The following ERBB4 variants were observed in gnomAD, a reference collection of about 807,000 sequenced individuals.
The protein encoded by ERBB4 is receptor tyrosine-protein kinase erbB-4.
ERBB4 carries 42 observed loss-of-function variants against 158.0 expected under a neutral mutation model. The observed-to-expected ratio is 0.27, with a 90% confidence interval of 0.21 to 0.34. ERBB4 has a LOEUF of 0.34. Ranked by LOEUF, ERBB4 falls within the 10% of genes least tolerant of loss-of-function variation. The probability of loss-of-function intolerance (pLI) is 1.00; values close to 1 mark genes in which losing one functional copy is unlikely to be tolerated. For synonymous variants in ERBB4, 583 were observed against 558.7 expected, an observed-to-expected ratio of 1.04 and a Z score of -0.61; for missense variants, 1,333 against 1,624.1, an observed-to-expected ratio of 0.82 and a Z score of 3.08.
intron 1 of ERBB4, among the ~76,000 whole-genome samples, chr2:212,126,054 G>A (rs1313981291): frequency 6.6e-6 from 1 of 152,130 alleles, no homozygotes; most frequent in African/African-American, 2.4e-5. Flanking sequence ...ATCAACTAGA[G>A]TATCACTGTA....
chr2:211,391,638 G>T (rs1465438697), intron 25 of ERBB4, among the ~76,000 whole-genome samples: 4 of 152,152 alleles, frequency 2.6e-5, no homozygotes, highest in African/African-American at 9.7e-5. Flanking sequence ...AGATTAAAGA[G>T]AAGGCAAGTA....
chr2:212,389,232 A>T (rs565310043), intron 1 of ERBB4, among the ~76,000 whole-genome samples: 2 of 152,200 alleles, frequency 1.3e-5, no homozygotes, highest in African/African-American at 4.8e-5. Context: ...AAGAGGAGAC[A>T]AAAAGTATGA....
At position 211,382,188 on chromosome 2, in the gene ERBB4, CAA is replaced by C; in HGVS notation, c.*1425_*1426del. Reference sequence around the variant, plus strand: ...TCTTTTTATTATACCAATTTATGTGCAAAGAGTTACCTTCTACTTCATATAAA... The same window carrying C: ...TCTTTTTATTATACCAATTTATGTGCAGAGTTACCTTCTACTTCATATAAA... On this transcript the variant is annotated 3_prime_UTR_variant, in exon 28 of 28. Transcript: ENST00000342788. The C allele has an allele frequency of 4.3e-6, 1 of 231,144 alleles. No homozygotes were observed. Among genetic ancestry groups the C allele is most frequent in the Middle Eastern group, 1.3e-3 (1 of 774 alleles). 14.3% of individuals were successfully genotyped at this position (231,144 alleles called of 1,614,324 possible).
At chr2:212,300,774 C>T (rs1370874059) in intron 1 of ERBB4, among the ~76,000 whole-genome samples, 4 of 151,366 alleles carry the variant, frequency 2.6e-5, no homozygotes, top group African/African-American at 9.7e-5. Context: ...AACCTGCGTT[C>T]GAATCTTAAT....
At chr2:212,509,738 G>A (rs1691400563) in intron 1 of ERBB4, among the ~76,000 whole-genome samples, 1 of 151,850 alleles carries the variant, frequency 6.6e-6, no homozygotes, top group East Asian at 1.9e-4. Context: ...AGAAACTGTA[G>A]GAAAAGCCAC....
intron 4 of ERBB4, among the ~76,000 whole-genome samples, chr2:211,771,237 G>A (rs1362132148): frequency 6.6e-6 from 1 of 152,166 alleles, no homozygotes; most frequent in Admixed American, 6.5e-5. Context: ...TGGACATGAC[G>A]AACCTTGGCC....
chr2:212,335,085 G>T (rs1425560703), intron 1 of ERBB4, among the ~76,000 whole-genome samples: 1 of 151,838 alleles, frequency 6.6e-6, no homozygotes. Context: ...GAGCTATTCT[G>T]TAAAACATAA....
intron 19 of ERBB4, among the ~76,000 whole-genome samples, chr2:211,605,437 C>G (rs1037515194): frequency 7.9e-5 from 12 of 152,122 alleles, no homozygotes; most frequent in African/African-American, 2.7e-4. Context: ...TTCTCACCCA[C>G]TGTGCATCTC....
chr2:211,897,207 T>C (rs1388599414), intron 3 of ERBB4, among the ~76,000 whole-genome samples: 2 of 151,806 alleles, frequency 1.3e-5, no homozygotes, highest in South Asian at 2.1e-4. Flanking sequence ...CTTACATACA[T>C]ACACCCACGC....
At chr2:212,255,021 C>T (rs1186416941) in intron 1 of ERBB4, among the ~76,000 whole-genome samples, 4 of 152,138 alleles carry the variant, frequency 2.6e-5, no homozygotes, top group Non-Finnish European at 5.9e-5. Context: ...TCTTAATCCA[C>T]CTTTATACAC....
chr2:211,971,311 T>C (rs929839978), intron 2 of ERBB4, among the ~76,000 whole-genome samples: 5 of 152,002 alleles, frequency 3.3e-5, no homozygotes, highest in East Asian at 3.9e-4. Flanking sequence ...AACTAGAAAA[T>C]CTAGAGAAAT....
intron 20 of ERBB4, among the ~76,000 whole-genome samples, chr2:211,478,546 C>T (rs2125542297): frequency 6.6e-6 from 1 of 152,164 alleles, no homozygotes; most frequent in East Asian, 1.9e-4. Flanking sequence ...TTCTTCTTCC[C>T]ACTTCATTTC....
intron 16 of ERBB4, chr2:211,657,539 A>G (rs2071264243): frequency 1.8e-6 from 1 of 553,762 alleles, no homozygotes; most frequent in Admixed American, 3.0e-5. Flanking sequence ...CGATGGTGTT[A>G]CTAACTGGGA....
At chr2:211,580,849 T>G (rs2068065918) in intron 19 of ERBB4, among the ~76,000 whole-genome samples, 1 of 58,370 alleles carries the variant, frequency 1.7e-5, no homozygotes, top group Non-Finnish European at 3.9e-5. Context: ...ATATATTATA[T>G]ATATAGTATG....
intron 1 of ERBB4, among the ~76,000 whole-genome samples, chr2:212,428,213 CAGT>C (rs2091956476): frequency 6.6e-6 from 1 of 152,044 alleles, no homozygotes; most frequent in Non-Finnish European, 1.5e-5. Flanking sequence ...AATATTTAAA[CAGT>C]AGAAAATACT....
chr2:211,489,280 C>T (rs913862923), intron 20 of ERBB4, among the ~76,000 whole-genome samples: 11 of 151,874 alleles, frequency 7.2e-5, no homozygotes, highest in Non-Finnish European at 1.3e-4. Context: ...ATTATGATGA[C>T]TATAAAGCAG....
chr2:211,946,156 G>A (rs1477371290), intron 3 of ERBB4, among the ~76,000 whole-genome samples: 1 of 151,908 alleles, frequency 6.6e-6, no homozygotes, highest in African/African-American at 2.4e-5. Context: ...TATAAATTCT[G>A]AACAATTTGC....
At chr2:211,956,289 A>C (rs1195307038) in intron 2 of ERBB4, among the ~76,000 whole-genome samples, 1 of 152,140 alleles carries the variant, frequency 6.6e-6, no homozygotes, top group Non-Finnish European at 1.5e-5. Flanking sequence ...AAACCTTTGA[A>C]TTAAACTTTG....
At chr2:212,012,189 G>T (rs978019924) in intron 2 of ERBB4, among the ~76,000 whole-genome samples, 14 of 152,078 alleles carry the variant, frequency 9.2e-5, no homozygotes, top group African/African-American at 3.4e-4. Context: ...CTTTTCACAT[G>T]ACCCCAGAAG....
Sources: gnomAD v4.1 joint callset for allele counts (sites outside exome capture counted in the v4.1 genomes callset) on GRCh38, gnomAD v4.1.1 for gene constraint, MANE v1.5 for transcripts, NCBI Gene and HGNC (gene_info 2026-07-23, HGNC 2026-07-21) for gene names.